RUNDC3A: variants seen among roughly 807,000 people sequenced by gnomAD.
The protein encoded by RUNDC3A is RUN domain-containing protein 3A.
In RUNDC3A, 28 loss-of-function variants were observed where a neutral mutation model predicts 53.9. The observed-to-expected ratio is 0.52, with a 90% CI of 0.38 to 0.71. The LOEUF is 0.71. Ranked by LOEUF, RUNDC3A falls within the 30% of genes least tolerant of loss-of-function variation. RUNDC3A has a pLI of 0.00. For synonymous variants in RUNDC3A, 232 were observed against 249.4 expected (o/e 0.93, Z 0.66); for missense variants, 491 against 597.3 (o/e 0.82, Z 1.85).
At chr17:44,317,461 T>A (rs778705023) in intron 10 of RUNDC3A, 1 of 780,776 alleles carries the variant, frequency 1.3e-6, no homozygotes, top group African/African-American at 1.7e-5. Flanking sequence ...TGACCATTGT[T>A]TCCCCCTTCT....
chr17:44,312,500 G>A (rs1450300872), intron 1 of RUNDC3A, 80 bp from the exon 2 acceptor site: 6 of 764,980 alleles, frequency 7.8e-6, no homozygotes, highest in African/African-American at 1.8e-5. Flanking sequence ...CTTCTCTGCC[G>A]GTTGCTCCCT....
rs1052256512 is a variant in RUNDC3A, at chr17:44,317,710, CTG to C, written c.1199-382_1199-381del. On this transcript the variant is annotated intron_variant, in intron 10 of 10. Coordinates refer to ENST00000426726, the MANE Select transcript of RUNDC3A (RefSeq NM_001144825.2). Reference sequence around the variant, plus strand: ...GCTGTGGCCATGTAGCCCCATCACACTGTGTTTGTGATTGTCTGTGTGTCTGT... The same window carrying C: ...GCTGTGGCCATGTAGCCCCATCACACTGTTTGTGATTGTCTGTGTGTCTGT... The C allele has an allele frequency of 1.9e-4, 120 of 628,834 alleles. 2 individuals are homozygous for C. The highest frequency in any genetic ancestry group is 1.6e-3 in the African/African-American group (89 of 54,998). The allele number at this position is 628,834 out of a possible 1,614,324, so 39.0% of individuals were successfully genotyped here.
intron 10 of RUNDC3A, chr17:44,317,036 G>T (rs1354084920): frequency 2.5e-6 from 1 of 400,014 alleles, no homozygotes; most frequent in Non-Finnish European, 4.5e-6. Flanking sequence ...TGTATTTTTA[G>T]TAGAGACGGA....
At chr17:44,314,383 C>T in intron 4 of RUNDC3A, 1 of 1,079,980 alleles carries the variant, frequency 9.3e-7, no homozygotes, top group Non-Finnish European at 1.1e-6. Context: ...AATTCCATTC[C>T]TCAGTCTACA....
At chr17:44,312,774 C>T (rs1598325282) in intron 2 of RUNDC3A, 79 bp downstream of exon 2, 1 of 642,498 alleles carries the variant, frequency 1.6e-6, no homozygotes, top group Non-Finnish European at 2.7e-6. Context: ...CGCCCCTCCC[C>T]CAGCGGTCCC....
In RUNDC3A at chr17:44,315,496, G is replaced by A. The variant is rs1460811325; in HGVS notation, c.840G>A (p.Lys280=). 6 of 1,513,304 alleles carry A rather than the reference G, an allele frequency of 4.0e-6. No individual in the cohort carries two copies. The highest frequency in any genetic ancestry group is 1.4e-5 in the African/African-American group (1 of 70,070). The allele number at this position is 1,513,304 out of a possible 1,614,324, so 93.7% of individuals were successfully genotyped here. ...TGCGTCTGCGCGAGTCGCAGCTGAAGGACCTGGAGGCGGAGAACCGGCGGC... is the reference window on the plus strand; with the variant it reads ...TGCGTCTGCGCGAGTCGCAGCTGAAAGACCTGGAGGCGGAGAACCGGCGGC... ...ELVRLRESQL[K]DLEAENRRLQ... is the part of the protein sequence containing the mutation. Residue 280 remains lysine, a synonymous_variant, in exon 8 of 11, where the codon AAG becomes AAA. Transcript: ENST00000426726. This position sits in a 1 kb window ranked among gnomAD's most constrained non-coding sequence, Gnocchi z 6.1.
chr17:44,315,093 G>T lies in RUNDC3A; in HGVS notation c.630-62G>T. ...CGTCCTGGTCCCACCGCCCTCAGCG[G>T]CCAGCGCAGACGCGCGGGGGGAGGG... is the stretch of plus-strand genomic sequence containing the variant. On this transcript the variant is annotated intron_variant, in intron 6 of 10. Coordinates refer to ENST00000426726, the MANE Select transcript of RUNDC3A (RefSeq NM_001144825.2). This position sits in a 1 kb window ranked among gnomAD's most constrained non-coding sequence, Gnocchi z 6.1. The T allele has an allele frequency of 6.2e-7, 1 of 1,606,758 alleles. No homozygotes were observed. The highest frequency in any genetic ancestry group is 1.3e-5 in the African/African-American group (1 of 74,810).
chr17:44,317,011 C>G (rs1364070885), intron 10 of RUNDC3A: 1 of 431,864 alleles, frequency 2.3e-6, no homozygotes, highest in South Asian at 4.3e-5. Context: ...TTAGTAGAGA[C>G]GCGCGGCTAA....
At position 44,316,661 on chromosome 17, in the gene RUNDC3A, T is replaced by A; in HGVS notation, c.1134T>A (p.Ser378Arg). 1 of 1,550,694 alleles carries A rather than the reference T, an allele frequency of 6.4e-7. No individual in the cohort carries two copies. The highest frequency in any genetic ancestry group is 8.7e-7 in the Non-Finnish European group (1 of 1,146,976). Reference sequence around the variant, plus strand: ...CGGAGCCGCTGTCAGCTGAAGCCAGTCTGAGCTCGGACTCCCAGCGCCTGG... The same window carrying A: ...CGGAGCCGCTGTCAGCTGAAGCCAGACTGAGCTCGGACTCCCAGCGCCTGG... ...MSTEPLSAEA[S>R]LSSDSQRLGE... The change falls in exon 10 of 11, where the codon AGT becomes AGA. Residue 378 changes from serine (S) to arginine (R), a missense_variant. Physicochemically the swap from Ser to Arg is moderately radical, Grantham distance 110. Transcript: ENST00000426726.
intron 1 of RUNDC3A, chr17:44,309,979 A>G (rs976175523): frequency 4.6e-5 from 7 of 152,570 alleles, no homozygotes; most frequent in African/African-American, 1.7e-4. Context: ...GTCTCCCAGC[A>G]CTAGTGCCCA....
Position 44,315,339 on chromosome 17 carries a change from C to T in RUNDC3A, c.795+19C>T, listed in dbSNP as rs1255511926. 18 of 1,355,362 alleles carry T rather than the reference C, an allele frequency of 1.3e-5. No homozygotes were observed. Among genetic ancestry groups the T allele is most frequent in the Non-Finnish European group, 1.7e-5 (18 of 1,045,904 alleles). The allele number at this position is 1,355,362 out of a possible 1,614,324, so 84.0% of individuals were successfully genotyped here. On this transcript the variant is annotated intron_variant, in intron 7 of 10. Coordinates refer to ENST00000426726, the MANE Select transcript of RUNDC3A (RefSeq NM_001144825.2). This position sits in a 1 kb window ranked among gnomAD's most constrained non-coding sequence, Gnocchi z 6.1. The stretch of plus-strand genomic sequence containing the variant: ...GCAGAAGGTGCGCGACGCCGGCGGG[C>T]CCGGGGGGCGGGCGGGCCGGGCGGG...
At chr17:44,317,726 C>G (rs1215074401) in intron 10 of RUNDC3A, 1 of 616,560 alleles carries the variant, frequency 1.6e-6, no homozygotes, top group African/African-American at 1.8e-5. Flanking sequence ...TTGTGATTGT[C>G]TGTGTGTCTG....
intron 4 of RUNDC3A, chr17:44,314,524 C>T (rs2047813155): frequency 3.5e-6 from 5 of 1,421,400 alleles, no homozygotes; most frequent in South Asian, 1.6e-5. Context: ...AGGGAGGAGT[C>T]GGCTCAGGGA....
At chr17:44,311,983 C>A (rs77606974) in intron 1 of RUNDC3A, among the ~76,000 whole-genome samples, 2 of 152,186 alleles carry the variant, frequency 1.3e-5, no homozygotes, top group Non-Finnish European at 2.9e-5. Context: ...GAGGCCAAGC[C>A]GGGAAGGAAA....
chr17:44,312,583 C>G lies in RUNDC3A; in HGVS notation c.111C>G (p.Phe37Leu), dbSNP rs1374304543. ...ERKNLITVCR[F>L]SVKTLLEKYT... Reference sequence around the variant, plus strand: ...ATCTCCCCACCTCGCCGCCCAGGTTCTCTGTGAAAACGCTGCTGGAGAAGT... The same window carrying G: ...ATCTCCCCACCTCGCCGCCCAGGTTGTCTGTGAAAACGCTGCTGGAGAAGT... The change falls in exon 2 of 11, where the codon TTC (phenylalanine) becomes TTG (leucine). Residue 37 changes from phenylalanine to leucine, a missense_variant. Phe to Leu is a conservative substitution (Grantham distance 22). This residue lies in a region of RUNDC3A where 273 missense variants were observed against 389.0 expected (regional missense o/e 0.70). Transcript: ENST00000426726. The G allele has an allele frequency of 1.9e-6, 3 of 1,562,734 alleles. No homozygotes were observed. The highest frequency in any genetic ancestry group is 2.6e-6 in the Non-Finnish European group (3 of 1,152,424).
At chr17:44,309,555 C>T (rs2047709557) in intron 1 of RUNDC3A, among the ~76,000 whole-genome samples, 2 of 152,094 alleles carry the variant, frequency 1.3e-5, no homozygotes, top group South Asian at 4.1e-4. Context: ...GGAACGGTTG[C>T]AGGGTTGGGA....
At chr17:44,313,298 G>T in intron 3 of RUNDC3A, 46 bp downstream of exon 3, 2 of 1,608,798 alleles carry the variant, frequency 1.2e-6, no homozygotes, top group Admixed American at 1.7e-5. Context: ...TGGACACAGG[G>T]GGCCTGCCTG....
intron 10 of RUNDC3A, chr17:44,317,124 G>A (rs1446262374): frequency 1.6e-5 from 7 of 434,452 alleles, no homozygotes; most frequent in Non-Finnish European, 2.5e-5. Context: ...GGGATTACAG[G>A]TGTGAGCCAC....
intron 1 of RUNDC3A, among the ~76,000 whole-genome samples, chr17:44,310,520 G>A (rs938390373): frequency 3.9e-5 from 6 of 152,188 alleles, no homozygotes; most frequent in Non-Finnish European, 8.8e-5. Flanking sequence ...TGGGAGGGAA[G>A]GATAGAGTTT....
Sources: gnomAD v4.1 joint callset for allele counts (sites outside exome capture counted in the v4.1 genomes callset) on GRCh38, gnomAD v4.1.1 for gene constraint, gnomAD v4.1.1 regional missense constraint, Gnocchi (gnomAD v3.1) non-coding constraint, MANE v1.5 for transcripts, NCBI Gene and HGNC (gene_info 2026-07-23, HGNC 2026-07-21) for gene names.